ZNF343: variants seen among roughly 807,000 people sequenced by gnomAD.
The protein encoded by ZNF343 is zinc finger protein 343.
ZNF343 carries 11 observed loss-of-function variants against 13.8 expected under a neutral mutation model. The ratio of observed to expected loss-of-function variants is 0.80; its 90% CI spans 0.50 to 1.32. The LOEUF is 1.32. Among genes scored for constraint, ZNF343 ranks in the 40% most tolerant of loss-of-function variants. The probability of loss-of-function intolerance (pLI) is 0.00; values close to 1 mark genes in which losing one functional copy is unlikely to be tolerated. For synonymous variants in ZNF343, 248 were observed against 260.0 expected (o/e 0.95, Z 0.44); for missense variants, 658 against 714.2 (o/e 0.92, Z 0.90).
chr20:2,505,620 C>T (rs1380352540), intron 1 of ZNF343, among the ~76,000 whole-genome samples: 1 of 152,092 alleles, frequency 6.6e-6, no homozygotes, highest in Admixed American at 6.6e-5. Flanking sequence ...CAAAACAGAG[C>T]CCTCAGAAAT....
At chr20:2,512,975 C>T (rs1331325975), upstream of ZNF343, among the ~76,000 whole-genome samples, 1 of 150,976 alleles carries the variant, frequency 6.6e-6, no homozygotes, top group Non-Finnish European at 1.5e-5. Context: ...TGGCAGGCAT[C>T]TGTAGTCCCA....
At position 2,483,319 on chromosome 20, in the gene ZNF343, G is replaced by T. The variant is rs1436553379; in HGVS notation, c.1642C>A (p.Pro548Thr). 21 of 1,611,498 alleles carry T rather than the reference G, an allele frequency of 1.3e-5. No individual in the cohort carries two copies. Among genetic ancestry groups the T allele is most frequent in the Non-Finnish European group, 1.7e-5 (20 of 1,179,402 alleles). Residue 548 changes from proline to threonine, a missense_variant, in exon 6 of 6, where the codon CCT (proline) becomes ACT (threonine). Transcript: ENST00000278772. ...CGGCCACACTCACTGCACACGTAAGGCTTCTCTCCTGAGTGTGTCCTCTCA... is the reference window on the plus strand; with the variant it reads ...CGGCCACACTCACTGCACACGTAAGTCTTCTCTCCTGAGTGTGTCCTCTCA... ...VHERTHSGEK[P>T]YVCSECGRGF...
intron 5 of ZNF343, among the ~76,000 whole-genome samples, chr20:2,484,891 GC>G (rs1187310171): frequency 6.6e-6 from 1 of 152,106 alleles, no homozygotes; most frequent in African/African-American, 2.4e-5. Flanking sequence ...TGAGTATTCT[GC>G]TCTGTAAACA....
upstream of ZNF343, among the ~76,000 whole-genome samples, chr20:2,513,120 T>C (rs1174344886): frequency 6.6e-6 from 1 of 151,872 alleles, no homozygotes; most frequent in Non-Finnish European, 1.5e-5. Flanking sequence ...TTGGAATTTA[T>C]CAAAATTTAA....
intron 1 of ZNF343, among the ~76,000 whole-genome samples, chr20:2,520,687 G>A (rs766586297): frequency 6.6e-6 from 1 of 152,118 alleles, no homozygotes; most frequent in Non-Finnish European, 1.5e-5. Flanking sequence ...AAGATCATTG[G>A]TCAGCTCTGG....
At chr20:2,486,293 C>T (rs907937193) in intron 5 of ZNF343, among the ~76,000 whole-genome samples, 3 of 152,160 alleles carry the variant, frequency 2.0e-5, no homozygotes, top group South Asian at 4.1e-4. Flanking sequence ...CTAATCCCTA[C>T]GCCTTACTAG....
chr20:2,518,979 C>T lies in ZNF343; in HGVS notation c.-347+5476G>A, dbSNP rs537770321. ...TGCCCCCCTCTCTCTTTCCTGCCAT[C>T]GTGTAAGACATGCCTTGCTTCCCCT... On this transcript the variant is annotated intron_variant, in intron 1 of 6. Coordinates refer to the ZNF343 transcript ENST00000358413. The surrounding 1 kb of genome is among the most constrained non-coding windows in gnomAD (Gnocchi z 4.6). 4.6e-5 allele frequency among the ~76,000 whole-genome samples: 7 copies of T among 152,282 alleles called. No homozygotes were observed. The highest frequency in any genetic ancestry group is 1.2e-4 in the African/African-American group (5 of 41,540).
chr20:2,521,457 T>C (rs1192804982), intron 1 of ZNF343, among the ~76,000 whole-genome samples: 1 of 152,116 alleles, frequency 6.6e-6, no homozygotes, highest in Non-Finnish European at 1.5e-5. Context: ...AGAGATAGCC[T>C]GTGGAGCCCA....
At position 2,485,216 on chromosome 20, in the gene ZNF343, C is replaced by A. The variant is rs867556925; in HGVS notation, c.305-560G>T. ...AAATGCCAAAGTACTAGGTTCTCTA[C>A]TAAGTATTATGAATTCAGTAATGAA... On this transcript the variant is annotated intron_variant, in intron 5 of 5. Coordinates refer to ENST00000278772, the MANE Select transcript of ZNF343 (RefSeq NM_024325.6). Among the ~76,000 whole-genome samples the A allele has an allele frequency of 7.9e-5, 12 of 152,154 alleles. No individual in the cohort carries two copies. The South Asian group carries it at 1.0e-3, about 13-fold the overall frequency.
In ZNF343 at chr20:2,483,420, G is replaced by A. The variant is rs139834625; in HGVS notation, c.1541C>T (p.Thr514Met). Reference protein sequence around the residue: ...QKSNLIRHQRTHSNEKPYICR... With the variant: ...QKSNLIRHQRMHSNEKPYICR... Reference sequence around the variant, plus strand: ...AATATAAGGCTTCTCATTTGAGTGCGTCCTCTGGTGTCTGATGAGATTTGA... The same window carrying A: ...AATATAAGGCTTCTCATTTGAGTGCATCCTCTGGTGTCTGATGAGATTTGA... The change falls in exon 6 of 6, where the codon ACG becomes ATG. Residue 514 changes from threonine (T) to methionine (M), a missense_variant. By Grantham distance (81) the Thr-to-Met change is moderately conservative (BLOSUM62 -1). Transcript: ENST00000278772. 1,374 of 1,610,992 alleles carry A rather than the reference G, an allele frequency of 8.5e-4. 6 individuals carry two copies. In the African/African-American group the frequency reaches 0.013, roughly 15 times the overall value.
rs768157205 is a variant in ZNF343 at position 2,508,402 on chromosome 20, G to A, written c.-237+479C>T. On this transcript the variant is annotated intron_variant, in intron 1 of 5. Coordinates refer to ENST00000278772, the MANE Select transcript of ZNF343 (RefSeq NM_024325.6). The surrounding 1 kb of genome is among the most constrained non-coding windows in gnomAD (Gnocchi z 4.5). ...CCCCACCCAAAAAACAGAAAAACTC[G>A]GTGATGCAGGACTCAAGACGCTCCC... Among the ~76,000 whole-genome samples, 3 of 151,750 alleles carry A rather than the reference G, an allele frequency of 2.0e-5. No individual in the cohort carries two copies. The highest frequency in any genetic ancestry group is 2.9e-5 in the Non-Finnish European group (2 of 67,986).
Position 2,483,871 on chromosome 20 carries a change from C to T in ZNF343, c.1090G>A (p.Glu364Lys), listed in dbSNP as rs767883222. The T allele has an allele frequency of 2.5e-5, 40 of 1,612,860 alleles. No individual in the cohort carries two copies. The Admixed American group carries it at 3.7e-4, about 15-fold the overall frequency. ...VCSECGRGFS[E>K]KSSFIRHQRT... The stretch of plus-strand genomic sequence containing the variant: ...TGGTGTCTGATGAAGGATGACTTCT[C>T]GCTAAAGCCTCGCCCACACTCGCTG... The change falls in exon 6 of 6, where the codon GAG becomes AAG. Residue 364 changes from glutamate (E) to lysine (K), a missense_variant. Physicochemically the swap from Glu to Lys is moderately conservative, Grantham distance 56 (BLOSUM62 1). Transcript: ENST00000278772.
upstream of ZNF343, chr20:2,524,703 A>AAGCC (rs969503239): frequency 6.6e-6 from 1 of 152,368 alleles, no homozygotes; most frequent in Admixed American, 6.5e-5. Flanking sequence ...TTCAGAAAGG[A>AAGCC]AGCCAGGTGC....
intron 5 of ZNF343, among the ~76,000 whole-genome samples, chr20:2,488,118 G>A (rs1368198998): frequency 6.6e-6 from 1 of 151,922 alleles, no homozygotes; most frequent in African/African-American, 2.4e-5. Flanking sequence ...CCTTTCTTTT[G>A]ACTTTGCTTA....
chr20:2,490,774 T>C (rs924374535), intron 5 of ZNF343, among the ~76,000 whole-genome samples: 2 of 152,154 alleles, frequency 1.3e-5, no homozygotes, highest in Non-Finnish European at 2.9e-5. Flanking sequence ...GAAAACAGTA[T>C]GACCAGAGAA....
upstream of ZNF343, among the ~76,000 whole-genome samples, chr20:2,513,061 C>T (rs971568639): frequency 1.1e-4 from 16 of 152,114 alleles, no homozygotes; most frequent in African/African-American, 3.9e-4. Flanking sequence ...GATTGTACCA[C>T]TGCACTCCAG....
At chr20:2,503,279 C>A (rs1412405721) in intron 1 of ZNF343, among the ~76,000 whole-genome samples, 3 of 152,138 alleles carry the variant, frequency 2.0e-5, no homozygotes, top group Non-Finnish European at 4.4e-5. Context: ...TATATATGCA[C>A]CCAACACAGG....
At chr20:2,507,264 C>CAAA (rs775388577) in intron 1 of ZNF343, among the ~76,000 whole-genome samples, 2 of 57,778 alleles carry the variant, frequency 3.5e-5, no homozygotes, top group African/African-American at 6.0e-5. Context: ...AACTGTGTCT[C>CAAA]AAAAAAAAAA....
rs1242457519 is a variant in ZNF343, at chr20:2,483,897, C to T, written c.1064G>A (p.Cys355Tyr). ...GCTAAAGCCTCGCCCACACTCGCTG[C>T]AAACATAGGGCTTCTCCTCTGAGTG... ...WTHSEEKPYV[C>Y]SECGRGFSEK... Residue 355 changes from cysteine (C) to tyrosine (Y), a missense_variant, in exon 6 of 6, where the codon TGC becomes TAC. By Grantham distance (194) the Cys-to-Tyr change is radical (BLOSUM62 -2). Coordinates refer to ENST00000278772, the MANE Select transcript of ZNF343 (RefSeq NM_024325.6). 15 of 1,614,104 alleles carry T rather than the reference C, an allele frequency of 9.3e-6. No homozygotes were observed. Among genetic ancestry groups the T allele is most frequent in the Non-Finnish European group, 1.3e-5 (15 of 1,180,038 alleles).
Sources: gnomAD v4.1 joint callset for allele counts (sites outside exome capture counted in the v4.1 genomes callset) on GRCh38, gnomAD v4.1.1 for gene constraint, Gnocchi (gnomAD v3.1) non-coding constraint, MANE v1.5 for transcripts, NCBI Gene and HGNC (gene_info 2026-07-23, HGNC 2026-07-21) for gene names.